Variants in CHD2 observed in about 807,000 individuals in gnomAD.
CHD2 encodes the protein ATP-dependent chromatin remodeler CHD2.
A neutral mutation model predicts 243.9 loss-of-function variants in CHD2; 28 were observed. The observed-to-expected ratio is 0.11, with a 90% CI of 0.09 to 0.16. The LOEUF (loss-of-function observed/expected upper bound fraction) is 0.16. Among genes scored for constraint, CHD2 ranks in the 10% least tolerant of loss-of-function variants. The pLI is 1.00. For synonymous variants in CHD2, 775 were observed against 779.0 expected, an observed-to-expected ratio of 0.99 and a Z score of 0.09; for missense variants, 1,386 against 2,209.8, an observed-to-expected ratio of 0.63 and a Z score of 7.47.
chr15:93,022,924 C>T (rs56189905), intron 38 of CHD2, among the ~76,000 whole-genome samples: 8,426 of 152,272 alleles, frequency 0.055, 321 homozygotes, highest in Middle Eastern at 0.092. Flanking sequence ...TGCATTTTGT[C>T]CCTTTTGGCT....
At chr15:92,945,696 A>ATTT in intron 10 of CHD2, 125 bp from the exon 11 acceptor site, 7 of 475,866 alleles carry the variant, frequency 1.5e-5, no homozygotes, top group East Asian at 8.0e-5. Flanking sequence ...CTATAATCCC[A>ATTT]TTTTTTTTTT....
chr15:92,970,405 T>C (rs1596417839), intron 17 of CHD2, among the ~76,000 whole-genome samples: 1 of 152,284 alleles, frequency 6.6e-6, no homozygotes, highest in Non-Finnish European at 1.5e-5. Flanking sequence ...TTCATCATGT[T>C]GGTCAGGCTG....
rs12915072 is a variant in CHD2 at position 92,929,352 on chromosome 15, C to T, written c.443+261C>T. Among the ~76,000 whole-genome samples the T allele has an allele frequency of 0.16, 24,922 of 152,000 alleles. 2,826 individuals are homozygous for T. Among genetic ancestry groups the T allele is most frequent in the Non-Finnish European group, 0.25 (16,966 of 67,982 alleles). On this transcript the variant is annotated intron_variant, in intron 5 of 38. Coordinates refer to ENST00000394196, the MANE Select transcript of CHD2 (RefSeq NM_001271.4). The stretch of plus-strand genomic sequence containing the variant: ...TGGGATAAATCTCAGCTTCTTCCAT[C>T]GGGTTAACCCAATTAGCCCATTGAT...
chr15:92,983,902 T>C (rs997111242), intron 24 of CHD2, among the ~76,000 whole-genome samples: 5 of 152,226 alleles, frequency 3.3e-5, no homozygotes, highest in Admixed American at 2.0e-4. Context: ...AATGAGTGCT[T>C]TGAGTTATGC....
intron 2 of CHD2, among the ~76,000 whole-genome samples, chr15:92,918,912 G>A (rs1247123496): frequency 6.6e-6 from 1 of 152,062 alleles, no homozygotes; most frequent in Non-Finnish European, 1.5e-5. Context: ...GGGCTGGAGT[G>A]CAGTGGTGTG....
At chr15:92,950,299 T>G (rs2053536311) in intron 13 of CHD2, 1 of 152,238 alleles carries the variant, frequency 6.6e-6, no homozygotes, top group Non-Finnish European at 1.5e-5. Context: ...CTAACACTTG[T>G]TATTTATTCT....
At chr15:92,964,097 G>A (rs2053724472) in intron 16 of CHD2, among the ~76,000 whole-genome samples, 1 of 152,176 alleles carries the variant, frequency 6.6e-6, no homozygotes, top group Admixed American at 6.5e-5. Flanking sequence ...TCCTTCTTTT[G>A]TAATTGGAGA....
chr15:92,949,919 C>A (rs1567138658), intron 13 of CHD2, among the ~76,000 whole-genome samples: 1 of 152,244 alleles, frequency 6.6e-6, no homozygotes, highest in Non-Finnish European at 1.5e-5. Flanking sequence ...CTGCTGCGTC[C>A]TGTCTCCATT....
chr15:92,907,870 A>C lies in CHD2; in HGVS notation c.62+6571A>C, dbSNP rs184439676. Among the ~76,000 whole-genome samples the C allele has an allele frequency of 1.0e-3, 157 of 151,818 alleles. 1 individual carries two copies. The highest frequency in any genetic ancestry group is 1.9e-3 in the Non-Finnish European group (127 of 67,948). ...TCAGGAGCTAGGTTGGCCCTGAGGA[A>C]CTCGCTGGTTGTCTTGGCCTACCAG... On this transcript the variant is annotated intron_variant, in intron 2 of 38. Transcript: ENST00000394196.
chr15:93,019,934 CA>C lies in CHD2; in HGVS notation c.4907-65del, dbSNP rs57995034. 7.6e-3 allele frequency: 10,476 copies of C among 1,385,518 alleles called. 1 individual carries two copies. The highest frequency in any genetic ancestry group is 0.018 in the East Asian group (687 of 37,716). The allele number at this position is 1,385,518 out of a possible 1,614,324, so 85.8% of individuals were successfully genotyped here. ...GGCAAACAGAGCACGACTCCATCTC[CA>C]AAAAAAAAAAAATTGTAGTGAAAGT... On this transcript the variant is annotated intron_variant, in intron 37 of 38. Transcript: ENST00000394196.
Position 92,904,943 on chromosome 15 carries a change from G to C in CHD2, c.62+3644G>C, listed in dbSNP as rs566175560. 2,011 of 1,535,990 alleles carry C rather than the reference G, an allele frequency of 1.3e-3. 9 individuals carry two copies. Among genetic ancestry groups the C allele is most frequent in the Non-Finnish European group, 1.6e-3 (1,858 of 1,146,878 alleles). On this transcript the variant is annotated intron_variant, in intron 2 of 38. Coordinates refer to ENST00000394196, the MANE Select transcript of CHD2 (RefSeq NM_001271.4). Reference sequence around the variant, plus strand: ...AACAAAGGGAAGATTATTTGAACTTGTCCCCATGCGTTTTTACTTGGTACC... The same window carrying C: ...AACAAAGGGAAGATTATTTGAACTTCTCCCCATGCGTTTTTACTTGGTACC...
At position 92,998,217 on chromosome 15, in the gene CHD2, A is replaced by G. The variant is rs1263902592; in HGVS notation, c.3886-282A>G. On this transcript the variant is annotated intron_variant, in intron 30 of 38. Transcript: ENST00000394196. This position sits in a 1 kb window ranked among gnomAD's most constrained non-coding sequence, Gnocchi z 5.1. ...CTGGGATGCTCTAGCAGATGAAGCC[A>G]CAAGCCCCTCCTACCTGAGTTGTTC... 5.5e-6 allele frequency: 6 copies of G among 1,090,880 alleles called. No homozygotes were observed. The African/African-American group carries it at 8.2e-5, about 15-fold the overall frequency. The allele number at this position is 1,090,880 out of a possible 1,614,324, so 67.6% of individuals were successfully genotyped here. A position where few individuals can be genotyped will look rare whatever the true frequency, so the allele number is the denominator to read the frequency against.
intron 2 of CHD2, among the ~76,000 whole-genome samples, chr15:92,904,126 G>A (rs1021454153): frequency 2.0e-4 from 30 of 152,306 alleles, no homozygotes; most frequent in African/African-American, 7.0e-4. Context: ...GACATAAAAG[G>A]CAGTTCGATA....
At chr15:92,908,237 C>T (rs2052658540) in intron 2 of CHD2, among the ~76,000 whole-genome samples, 1 of 151,904 alleles carries the variant, frequency 6.6e-6, no homozygotes, top group African/African-American at 2.4e-5. Context: ...CTGTGGTGCA[C>T]TGCTCCATGG....
In CHD2 at chr15:93,014,848, G is replaced by C. The variant is rs1427359303; in HGVS notation, c.4845G>C (p.Gln1615His). 1.2e-6 allele frequency: 2 copies of C among 1,614,144 alleles called. No individual in the cohort carries two copies. Among genetic ancestry groups the C allele is most frequent in the Non-Finnish European group, 1.7e-6 (2 of 1,180,044 alleles). ...KPHLPASHGP[Q>H]MHGHPRDNYN... ...ATTTGCCTGCCTCCCATGGCCCACA[G>C]ATGCATGGACACCCAAGAGATAACT... Residue 1615 changes from glutamine (Q) to histidine (H), a missense_variant, in exon 37 of 39, where the codon CAG becomes CAC. Physicochemically the swap from Gln to His is conservative, Grantham distance 24 (BLOSUM62 0). Transcript: ENST00000394196.
At chr15:92,964,838 G>C (rs540908307) in intron 16 of CHD2, among the ~76,000 whole-genome samples, 1 of 152,288 alleles carries the variant, frequency 6.6e-6, no homozygotes, top group Admixed American at 6.5e-5. Flanking sequence ...CAGAAAACAA[G>C]TCAGTTTGAT....
In CHD2 at chr15:93,003,596, G is replaced by A. The variant is rs1372545836; in HGVS notation, c.4279-1021G>A. Among the ~76,000 whole-genome samples, 5 of 142,842 alleles carry A rather than the reference G, an allele frequency of 3.5e-5. No homozygotes were observed. In the South Asian group the frequency reaches 6.5e-4, roughly 19 times the overall value. 93.7% of individuals were successfully genotyped at this position (142,842 alleles called of 152,430 possible). Reference sequence around the variant, plus strand: ...AAGTGGCTTTTTTTTTTTTTTTGGCGGGGCCAGGCGGGGGGAGACGCTGAT... The same window carrying A: ...AAGTGGCTTTTTTTTTTTTTTTGGCAGGGCCAGGCGGGGGGAGACGCTGAT... On this transcript the variant is annotated intron_variant, in intron 33 of 38. Transcript: ENST00000394196.
chr15:92,991,785 G>A (rs1016553683), intron 27 of CHD2: 6 of 301,914 alleles, frequency 2.0e-5, no homozygotes, highest in Non-Finnish European at 2.4e-5. Context: ...ACCATAGTGC[G>A]TGAAATAATT....
chr15:92,993,988 A>C (rs576914263), intron 28 of CHD2, among the ~76,000 whole-genome samples: 5 of 152,284 alleles, frequency 3.3e-5, no homozygotes, highest in African/African-American at 1.2e-4. Flanking sequence ...TAAATAAATT[A>C]ATTAAAAAAT....
Sources: allele counts gnomAD v4.1 joint callset (sites outside exome capture counted in the v4.1 genomes callset), GRCh38; gene constraint gnomAD v4.1.1; non-coding constraint Gnocchi (gnomAD v3.1); transcripts MANE v1.5; gene names NCBI Gene and HGNC (gene_info 2026-07-23, HGNC 2026-07-21).